Variants in C1QTNF3 observed in about 807,000 individuals in gnomAD.
C1QTNF3 encodes the protein complement C1q tumor necrosis factor-related protein 3.
Under a neutral mutation model 32.6 loss-of-function variants are expected in C1QTNF3, and 26 were observed. The observed-to-expected ratio is 0.80, with a 90% CI of 0.58 to 1.11. The LOEUF (loss-of-function observed/expected upper bound fraction) is 1.11, where lower values mean the gene tolerates loss of function less well. C1QTNF3 is among the 50% of genes least tolerant of loss of function. C1QTNF3 has a pLI of 0.00. For synonymous variants in C1QTNF3, 155 were observed against 146.0 expected (o/e 1.06, Z -0.44); for missense variants, 362 against 398.2 (o/e 0.91, Z 0.77).
the C1QTNF3 span, among the ~76,000 whole-genome samples, chr5:34,095,401 GA>G: frequency 6.8e-6 from 1 of 148,022 alleles, no homozygotes; most frequent in Non-Finnish European, 1.5e-5. Context: ...GAAAAAGGGA[GA>G]TTCATGTTAA....
At chr5:34,071,173 G>A in the C1QTNF3 span, among the ~76,000 whole-genome samples, 2 of 152,078 alleles carry the variant, frequency 1.3e-5, no homozygotes, top group African/African-American at 4.8e-5. Context: ...TGCATATTAT[G>A]CAGCTTGTAA....
chr5:34,033,090 T>A (rs2112112246), intron 3 of C1QTNF3: 1 of 499,424 alleles, frequency 2.0e-6, no homozygotes, highest in Non-Finnish European at 3.5e-6. Context: ...TCACCCTTCA[T>A]AAATGTCTCT....
the C1QTNF3 span, among the ~76,000 whole-genome samples, chr5:34,224,252 A>G: frequency 3.9e-5 from 6 of 152,234 alleles, no homozygotes; most frequent in Non-Finnish European, 8.8e-5. Context: ...ATTCAATGCC[A>G]TCCCCATCAA....
chr5:34,085,766 T>C, the C1QTNF3 span, among the ~76,000 whole-genome samples: 3 of 151,748 alleles, frequency 2.0e-5, no homozygotes, highest in Non-Finnish European at 2.9e-5. Context: ...TTAGAATGGC[T>C]ATCCTTAAAA....
At chr5:34,146,121 C>A in the C1QTNF3 span, among the ~76,000 whole-genome samples, 1 of 152,048 alleles carries the variant, frequency 6.6e-6, no homozygotes, top group Admixed American at 6.6e-5. Flanking sequence ...TCTCACCACT[C>A]CTATTCAACA....
the C1QTNF3 span, among the ~76,000 whole-genome samples, chr5:34,241,115 A>G: frequency 6.6e-6 from 1 of 152,136 alleles, no homozygotes; most frequent in Non-Finnish European, 1.5e-5. Context: ...TCAACAGTTG[A>G]GGCTTCAAAT....
At chr5:34,244,202 C>A in the C1QTNF3 span, among the ~76,000 whole-genome samples, 124,097 of 152,070 alleles carry the variant, frequency 0.82, 54,495 homozygotes, top group Non-Finnish European at 0.97. Flanking sequence ...CCCATATTAT[C>A]GATCAGGGAC....
At chr5:34,065,667 C>CA in the C1QTNF3 span, among the ~76,000 whole-genome samples, 80,439 of 149,224 alleles carry the variant, frequency 0.54, 22,905 homozygotes, top group Non-Finnish European at 0.63. Context: ...AACTCCATCT[C>CA]AAAAAAAAAA....
the C1QTNF3 span, among the ~76,000 whole-genome samples, chr5:34,232,509 T>C: frequency 6.6e-6 from 1 of 152,138 alleles, no homozygotes; most frequent in Non-Finnish European, 1.5e-5. Flanking sequence ...TGGAGGTGAC[T>C]GGATCATGGG....
At chr5:34,227,594 A>G in the C1QTNF3 span, among the ~76,000 whole-genome samples, 7 of 151,960 alleles carry the variant, frequency 4.6e-5, no homozygotes, top group Admixed American at 6.6e-5. Flanking sequence ...AAAAATCTAC[A>G]TATGAGCGGA....
the C1QTNF3 span, among the ~76,000 whole-genome samples, chr5:34,178,349 T>G: frequency 2.6e-5 from 4 of 152,204 alleles, no homozygotes; most frequent in East Asian, 7.7e-4. Flanking sequence ...CCACAAACCA[T>G]TTCCCCTTAC....
chr5:34,054,806 T>C, the C1QTNF3 span, among the ~76,000 whole-genome samples: 9 of 152,256 alleles, frequency 5.9e-5, no homozygotes, highest in Non-Finnish European at 1.0e-4. Flanking sequence ...CTGTATCTTC[T>C]ACATCTGTCC....
At chr5:34,223,801 G>A in the C1QTNF3 span, among the ~76,000 whole-genome samples, 78 of 152,142 alleles carry the variant, frequency 5.1e-4, no homozygotes, top group African/African-American at 1.8e-3. Context: ...TTCTGGCCAC[G>A]GCAATTAGGC....
At chr5:34,128,259 T>C in the C1QTNF3 span, among the ~76,000 whole-genome samples, 1 of 152,106 alleles carries the variant, frequency 6.6e-6, no homozygotes, top group Non-Finnish European at 1.5e-5. Flanking sequence ...CACCTAGATT[T>C]CAGATAATAT....
At chr5:34,081,328 G>T in the C1QTNF3 span, among the ~76,000 whole-genome samples, 4 of 151,544 alleles carry the variant, frequency 2.6e-5, no homozygotes, top group Admixed American at 2.6e-4. Flanking sequence ...CATTTGCAAA[G>T]AAATAAACTG....
chr5:34,168,341 T>C, the C1QTNF3 span: 1 of 151,152 alleles, frequency 6.6e-6, no homozygotes, highest in South Asian at 2.1e-4. Flanking sequence ...AGACTAGTAG[T>C]GAAGGCAAAG....
At chr5:34,040,709 G>A (rs7727569) in intron 1 of C1QTNF3, among the ~76,000 whole-genome samples, 75,072 of 151,638 alleles carry the variant, frequency 0.5, 19,338 homozygotes, top group Non-Finnish European at 0.57. Flanking sequence ...TGGCACTAAA[G>A]TCGTGTAATG....
the C1QTNF3 span, among the ~76,000 whole-genome samples, chr5:34,217,187 T>C: frequency 0.027 from 4,098 of 152,246 alleles, 195 homozygotes; most frequent in African/African-American, 0.095. Context: ...AAATTATTAA[T>C]ATTAACTTGA....
At chr5:34,020,974 G>C (rs186206108) in intron 5 of C1QTNF3, among the ~76,000 whole-genome samples, 14 of 152,298 alleles carry the variant, frequency 9.2e-5, no homozygotes, top group Admixed American at 8.5e-4. Flanking sequence ...TCATGACAAT[G>C]ACCAGAATGA....
Sources: gnomAD v4.1 joint callset for allele counts (sites outside exome capture counted in the v4.1 genomes callset) on GRCh38, gnomAD v4.1.1 for gene constraint, MANE v1.5 for transcripts, NCBI Gene and HGNC (gene_info 2026-07-23, HGNC 2026-07-21) for gene names.